The following PDE4B variants were observed in gnomAD, a reference collection of about 807,000 sequenced individuals.
PDE4B encodes the protein 3',5'-cyclic-AMP phosphodiesterase 4B.
A neutral mutation model predicts 82.2 loss-of-function variants in PDE4B; 20 were observed. That is an observed-to-expected ratio of 0.24 (90% CI 0.17 to 0.35). The LOEUF is 0.35. Among genes scored for constraint, PDE4B ranks in the 10% least tolerant of loss-of-function variants. The probability of loss-of-function intolerance (pLI) is 1.00; values close to 1 mark genes in which losing one functional copy is unlikely to be tolerated. For missense variants in PDE4B, 655 were observed against 907.2 expected (o/e 0.72, Z 3.57); for synonymous variants, 320 against 318.9 (o/e 1.00, Z -0.04).
chr1:66,207,294 T>C (rs117228046), intron 3 of PDE4B, among the ~76,000 whole-genome samples: 1 of 152,214 alleles, frequency 6.6e-6, no homozygotes, highest in Admixed American at 6.5e-5. Flanking sequence ...TATTCATTAA[T>C]TAAAACTCAC....
intron 3 of PDE4B, among the ~76,000 whole-genome samples, chr1:66,053,521 A>C (rs1186560458): frequency 6.6e-6 from 1 of 152,216 alleles, no homozygotes; most frequent in African/African-American, 2.4e-5. Context: ...AATGAAACAC[A>C]GAGAGATAGA....
intron 3 of PDE4B, among the ~76,000 whole-genome samples, chr1:65,932,208 G>T (rs892623066): frequency 1.3e-5 from 2 of 151,558 alleles, no homozygotes; most frequent in South Asian, 4.2e-4. Flanking sequence ...ACTAGATGAT[G>T]CAGTCCCACC....
In PDE4B at chr1:65,869,615, G is replaced by A. The variant is rs1236741922; in HGVS notation, c.-70-43630G>A. 3.3e-5 allele frequency among the ~76,000 whole-genome samples: 5 copies of A among 152,024 alleles called. 1 individual carries two copies. Among genetic ancestry groups the A allele is most frequent in the Admixed American group, 3.3e-4 (5 of 15,290 alleles). The stretch of plus-strand genomic sequence containing the variant: ...CAATGACAAGAATAGCATTCAGGAG[G>A]GTTAGAATTCCACTCTGTTTTTCTG... On this transcript the variant is annotated intron_variant, in intron 1 of 16. Coordinates refer to ENST00000341517, the MANE Select transcript of PDE4B (RefSeq NM_002600.4).
At chr1:65,932,620 C>T (rs1267661556) in intron 3 of PDE4B, among the ~76,000 whole-genome samples, 2 of 151,888 alleles carry the variant, frequency 1.3e-5, no homozygotes, top group African/African-American at 4.8e-5. Flanking sequence ...TCTCCAGAAA[C>T]AAAGCCTAAT....
At chr1:66,126,999 G>T (rs530709160) in intron 3 of PDE4B, among the ~76,000 whole-genome samples, 2 of 152,204 alleles carry the variant, frequency 1.3e-5, no homozygotes, top group East Asian at 3.9e-4. Context: ...GACAAAGAAA[G>T]AGGGGGGAAC....
intron 1 of PDE4B, among the ~76,000 whole-genome samples, chr1:65,865,669 G>A (rs189069444): frequency 6.6e-6 from 1 of 152,264 alleles, no homozygotes; most frequent in Admixed American, 6.5e-5. Context: ...CCCAGGTGAG[G>A]CATGCCCCAC....
intron 3 of PDE4B, among the ~76,000 whole-genome samples, chr1:66,063,234 T>G (rs555164592): frequency 6.6e-6 from 1 of 152,012 alleles, no homozygotes; most frequent in Non-Finnish European, 1.5e-5. Context: ...CTCACTCAGT[T>G]GGAATGACAA....
intron 3 of PDE4B, among the ~76,000 whole-genome samples, chr1:66,021,491 G>T (rs1653107215): frequency 1.3e-5 from 2 of 152,154 alleles, no homozygotes; most frequent in Non-Finnish European, 2.9e-5. Flanking sequence ...ATTAATTTTT[G>T]TATAAGATAT....
chr1:66,255,904 A>G (rs1654182396), intron 4 of PDE4B, among the ~76,000 whole-genome samples: 2 of 152,222 alleles, frequency 1.3e-5, no homozygotes, highest in Admixed American at 1.3e-4. Context: ...AGTGGTTTAC[A>G]CCTGTAACTC....
Position 65,913,340 on chromosome 1 carries a change from C to T in PDE4B, c.26C>T (p.Thr9Met), listed in dbSNP as rs769931436. ...ATGAAGAAAAGCAGGAGTGTGATGA[C>T]GGTGATGGCTGATGATGTAAGTTTC... MKKSRSVM[T>M]VMADDNVKDY... Residue 9 changes from threonine to methionine, a missense_variant, in exon 2 of 17, where the codon ACG becomes ATG. By Grantham distance (81) the Thr-to-Met change is moderately conservative. This residue lies in a region of PDE4B where 253 missense variants were observed against 275.6 expected (regional missense o/e 0.92). Coordinates refer to ENST00000341517, the MANE Select transcript of PDE4B (RefSeq NM_002600.4). 1.9e-5 allele frequency: 30 copies of T among 1,613,400 alleles called. No homozygotes were observed. The highest frequency in any genetic ancestry group is 9.9e-5 in the South Asian group (9 of 91,072).
intron 4 of PDE4B, among the ~76,000 whole-genome samples, chr1:66,256,049 T>C (rs1047078708): frequency 6.6e-6 from 1 of 152,138 alleles, no homozygotes; most frequent in Non-Finnish European, 1.5e-5. Flanking sequence ...TGGTGTTGTG[T>C]GCCTGTAGTC....
chr1:65,877,554 G>T (rs565741549), intron 1 of PDE4B, among the ~76,000 whole-genome samples: 18 of 152,074 alleles, frequency 1.2e-4, no homozygotes, highest in African/African-American at 4.1e-4. Flanking sequence ...GGCAGAGTTT[G>T]CAGTGAGCCA....
At chr1:65,969,070 A>C (rs1283379311) in intron 3 of PDE4B, among the ~76,000 whole-genome samples, 1 of 152,156 alleles carries the variant, frequency 6.6e-6, no homozygotes, top group Non-Finnish European at 1.5e-5. Flanking sequence ...GTACTTTTTC[A>C]GGGTGTATAA....
intron 3 of PDE4B, among the ~76,000 whole-genome samples, chr1:66,082,174 A>T (rs1343942375): frequency 6.6e-6 from 1 of 152,076 alleles, no homozygotes; most frequent in Non-Finnish European, 1.5e-5. Context: ...TGCATACTTC[A>T]TCAGGTGCTA....
intron 1 of PDE4B, among the ~76,000 whole-genome samples, chr1:65,892,754 G>A (rs771326875): frequency 4.6e-5 from 7 of 150,822 alleles, no homozygotes; most frequent in African/African-American, 1.2e-4. Context: ...CTACCCACCC[G>A]CCCCCAATAA....
intron 3 of PDE4B, among the ~76,000 whole-genome samples, chr1:66,024,125 A>ATATGAACAGAAT (rs1653302443): frequency 6.6e-6 from 1 of 152,132 alleles, no homozygotes; most frequent in Non-Finnish European, 1.5e-5. Context: ...TGTCCATACA[A>ATATGAACAGAAT]GTATCCTCCA....
At chr1:66,325,771 A>G (rs889945522) in intron 7 of PDE4B, among the ~76,000 whole-genome samples, 1 of 152,210 alleles carries the variant, frequency 6.6e-6, no homozygotes, top group Non-Finnish European at 1.5e-5. Flanking sequence ...TCAATATATC[A>G]TCAGGAAAGT....
chr1:65,987,811 A>T (rs748994271), intron 3 of PDE4B, among the ~76,000 whole-genome samples: 1 of 152,050 alleles, frequency 6.6e-6, no homozygotes, highest in Non-Finnish European at 1.5e-5. Flanking sequence ...GCGGGGTTTC[A>T]CCATGTTGGC....
rs531851779 is a variant in PDE4B at position 66,300,334 on chromosome 1, C to T, written c.635-32174C>T. 5.3e-5 allele frequency among the ~76,000 whole-genome samples: 8 copies of T among 152,316 alleles called. No individual in the cohort carries two copies. In the South Asian group the frequency reaches 1.7e-3, roughly 32 times the overall value. On this transcript the variant is annotated intron_variant, in intron 7 of 16. Coordinates refer to ENST00000341517, the MANE Select transcript of PDE4B (RefSeq NM_002600.4). ...TTCCTGGGTGCAGCCTGGAACATCA[C>T]TGCTGGCTGGACTCACTTCTCCTTG...
Sources: gnomAD v4.1 joint callset for allele counts (sites outside exome capture counted in the v4.1 genomes callset) on GRCh38, gnomAD v4.1.1 for gene constraint, gnomAD v4.1.1 regional missense constraint, MANE v1.5 for transcripts, NCBI Gene and HGNC (gene_info 2026-07-23, HGNC 2026-07-21) for gene names.